DPP10: variants seen among roughly 807,000 people sequenced by gnomAD.
The protein encoded by DPP10 is dipeptidyl peptidase like 10.
In DPP10, 33 loss-of-function variants were observed where a neutral mutation model predicts 120.9. That is an observed-to-expected ratio of 0.27 (90% CI 0.21 to 0.37). The LOEUF (loss-of-function observed/expected upper bound fraction) is 0.37. Ranked by LOEUF, DPP10 falls within the 10% of genes least tolerant of loss-of-function variation. The probability of loss-of-function intolerance (pLI) is 1.00; values close to 1 mark genes in which losing one functional copy is unlikely to be tolerated. For missense variants in DPP10, 816 were observed against 942.8 expected, an observed-to-expected ratio of 0.87 and a Z score of 1.76; for synonymous variants, 337 against 326.1, an observed-to-expected ratio of 1.03 and a Z score of -0.36.
chr2:114,945,433 A>G (rs1380581415), intron 1 of DPP10, among the ~76,000 whole-genome samples: 4 of 152,226 alleles, frequency 2.6e-5, no homozygotes, highest in Non-Finnish European at 5.9e-5. Context: ...AGATCTGAAC[A>G]GACATCTCAC....
At chr2:115,727,308 C>T (rs1025504468) in intron 7 of DPP10, among the ~76,000 whole-genome samples, 3 of 152,050 alleles carry the variant, frequency 2.0e-5, no homozygotes, top group South Asian at 4.1e-4. Context: ...ATTTTAGTAT[C>T]GTTTCTACCA....
intron 7 of DPP10, among the ~76,000 whole-genome samples, chr2:115,696,726 T>C (rs895420212): frequency 1.3e-5 from 2 of 152,202 alleles, no homozygotes; most frequent in African/African-American, 2.4e-5. Context: ...ATGTTATTGT[T>C]ACAATGATTT....
At chr2:115,683,330 G>A (rs957659485) in intron 5 of DPP10, among the ~76,000 whole-genome samples, 7 of 151,860 alleles carry the variant, frequency 4.6e-5, no homozygotes, top group East Asian at 3.9e-4. Context: ...GCATTTGCTC[G>A]GGATTAGGAT....
chr2:115,196,820 T>A (rs1007183146), intron 1 of DPP10, among the ~76,000 whole-genome samples: 12 of 152,210 alleles, frequency 7.9e-5, no homozygotes, highest in Admixed American at 2.0e-4. Context: ...GCAAGCTAAC[T>A]GTCCTGAAGA....
chr2:115,458,754 T>C (rs2105046962), intron 3 of DPP10, among the ~76,000 whole-genome samples: 1 of 152,274 alleles, frequency 6.6e-6, no homozygotes, highest in South Asian at 2.1e-4. Flanking sequence ...AATGACTTTT[T>C]AAAAATAAAA....
At chr2:115,185,599 C>G (rs1043559941) in intron 1 of DPP10, among the ~76,000 whole-genome samples, 3 of 152,056 alleles carry the variant, frequency 2.0e-5, no homozygotes, top group African/African-American at 7.2e-5. Flanking sequence ...TATGTTAAAA[C>G]CACAAGTTTG....
intron 1 of DPP10, among the ~76,000 whole-genome samples, chr2:114,613,684 C>A (rs1372364150): frequency 6.6e-6 from 1 of 152,136 alleles, no homozygotes; most frequent in African/African-American, 2.4e-5. Flanking sequence ...TTTATTGCAG[C>A]ACTATTTACA....
At chr2:114,797,295 C>T (rs1340193900) in intron 1 of DPP10, among the ~76,000 whole-genome samples, 1 of 152,040 alleles carries the variant, frequency 6.6e-6, no homozygotes, top group Non-Finnish European at 1.5e-5. Context: ...CTTAGTTATC[C>T]CTAAGTTTCT....
intron 1 of DPP10, among the ~76,000 whole-genome samples, chr2:114,763,181 C>T (rs2106110658): frequency 6.6e-6 from 1 of 152,260 alleles, no homozygotes; most frequent in South Asian, 2.1e-4. Flanking sequence ...GCAGGCCAGT[C>T]TGGCTGGAGT....
At position 115,703,597 on chromosome 2, in the gene DPP10, TG is replaced by T. The variant is rs991101670; in HGVS notation, c.576+13682del. On this transcript the variant is annotated intron_variant, in intron 7 of 25. Coordinates refer to ENST00000410059, the MANE Select transcript of DPP10 (RefSeq NM_020868.6). Reference sequence around the variant, plus strand: ...AATTTCTTGAAGCAGAATTCATTTTTGGGGGGAAACTTCATATTGTACCCTT... The same window carrying T: ...AATTTCTTGAAGCAGAATTCATTTTTGGGGGAAACTTCATATTGTACCCTT... 4.3e-4 allele frequency among the ~76,000 whole-genome samples: 65 copies of T among 152,144 alleles called. 2 individuals are homozygous for T. Among genetic ancestry groups the T allele is most frequent in the Admixed American group, 3.7e-3 (57 of 15,242 alleles).
chr2:115,264,455 C>T (rs2059379138), intron 1 of DPP10, among the ~76,000 whole-genome samples: 1 of 152,194 alleles, frequency 6.6e-6, no homozygotes, highest in Non-Finnish European at 1.5e-5. Context: ...TGTGCATCTA[C>T]ATCCTGGTTG....
intron 10 of DPP10, among the ~76,000 whole-genome samples, chr2:115,750,353 C>G (rs1451238671): frequency 6.6e-6 from 1 of 152,176 alleles, no homozygotes; most frequent in African/African-American, 2.4e-5. Flanking sequence ...TATCTTTCCT[C>G]CCTGCCTATG....
At chr2:114,889,910 C>T (rs534311433) in intron 1 of DPP10, among the ~76,000 whole-genome samples, 12 of 152,126 alleles carry the variant, frequency 7.9e-5, no homozygotes, top group Non-Finnish European at 1.5e-4. Flanking sequence ...TTGAGATGTT[C>T]TTAAAGTCAG....
intron 1 of DPP10, among the ~76,000 whole-genome samples, chr2:114,719,058 T>C (rs1025243099): frequency 1.3e-5 from 2 of 152,254 alleles, no homozygotes; most frequent in Admixed American, 1.3e-4. Flanking sequence ...GATTGGTTGA[T>C]GTATTATTTT....
intron 1 of DPP10, among the ~76,000 whole-genome samples, chr2:115,267,135 A>T (rs1413630050): frequency 6.6e-6 from 1 of 152,166 alleles, no homozygotes; most frequent in Non-Finnish European, 1.5e-5. Context: ...GCTAGAAGGA[A>T]TCAAGTAATA....
chr2:115,405,647 C>A (rs1243116299), intron 3 of DPP10, among the ~76,000 whole-genome samples: 2 of 152,184 alleles, frequency 1.3e-5, no homozygotes, highest in African/African-American at 4.8e-5. Flanking sequence ...TTGGAGGCTG[C>A]TGCACCTCCT....
chr2:115,282,324 A>T (rs1268707766), intron 1 of DPP10, among the ~76,000 whole-genome samples: 4 of 152,038 alleles, frequency 2.6e-5, no homozygotes, highest in African/African-American at 9.7e-5. Flanking sequence ...AATTTTCATG[A>T]TTTTGGTTAT....
At chr2:115,735,135 G>C (rs531034915) in intron 8 of DPP10, among the ~76,000 whole-genome samples, 5 of 151,982 alleles carry the variant, frequency 3.3e-5, no homozygotes, top group African/African-American at 1.2e-4. Context: ...GATTCGCCAG[G>C]GTTTCATAGT....
At chr2:115,570,398 C>T (rs139824447) in intron 5 of DPP10, among the ~76,000 whole-genome samples, 2 of 152,322 alleles carry the variant, frequency 1.3e-5, no homozygotes, top group Admixed American at 1.3e-4. Context: ...GAAAGTAATT[C>T]TTTACTGGTG....
Sources: allele counts gnomAD v4.1 joint callset (sites outside exome capture counted in the v4.1 genomes callset), GRCh38; gene constraint gnomAD v4.1.1; transcripts MANE v1.5; gene names NCBI Gene and HGNC (gene_info 2026-07-23, HGNC 2026-07-21).